The following PCDHB6 variants were observed in gnomAD, a reference collection of about 807,000 sequenced individuals.
PCDHB6 encodes the protein protocadherin beta-6.
For missense variants in PCDHB6, 1,137 were observed against 1,010.1 expected (o/e 1.13, Z -1.70); for synonymous variants, 506 against 459.0 (o/e 1.10, Z -1.31).
rs781952987 is a variant in PCDHB6 at position 141,151,295 on chromosome 5, C to T, written c.1038C>T (p.Thr346=). Residue 346 remains threonine (T), a synonymous_variant, in exon 1 of 1, where the codon ACC becomes ACT. Coordinates refer to ENST00000231136, the MANE Select transcript of PCDHB6 (RefSeq NM_018939.4). ...TGAATGACAATGCCCCTGAACTCAC[C>T]ATGTCGTTCTTCATCAGCCTCATCC... ...LDVNDNAPEL[T]MSFFISLIPE... 1.2e-6 allele frequency: 2 copies of T among 1,614,082 alleles called. No individual in the cohort carries two copies. The highest frequency in any genetic ancestry group is 2.2e-5 in the East Asian group (1 of 44,882).
rs190534770 is a variant in PCDHB6 at position 141,152,171 on chromosome 5, G to C, written c.1914G>C (p.Leu638=). ...AGCGAGACGCAGCCAAGCACAGGCTGGTGGTGCTTGTCAAGGACAATGGCG... is the reference window on the plus strand; with the variant it reads ...AGCGAGACGCAGCCAAGCACAGGCTCGTGGTGCTTGTCAAGGACAATGGCG... ...LSERDAAKHR[L]VVLVKDNGEP... is the part of the protein sequence containing the mutation. The change falls in exon 1 of 1, where the codon CTG becomes CTC. Residue 638 remains leucine, a synonymous_variant. Coordinates refer to ENST00000231136, the MANE Select transcript of PCDHB6 (RefSeq NM_018939.4). 1,709 of 1,607,306 alleles carry C rather than the reference G, an allele frequency of 1.1e-3. 37 individuals carry two copies. In the East Asian group the frequency reaches 0.034, roughly 32 times the overall value.
chr5:141,153,230 T>C lies in PCDHB6; in HGVS notation c.*588T>C, dbSNP rs140347839. 6.0e-6 allele frequency: 1 copy of C among 165,710 alleles called. No individual in the cohort carries two copies. The highest frequency in any genetic ancestry group is 2.4e-5 in the African/African-American group (1 of 41,268). 10.3% of individuals were successfully genotyped at this position (165,710 alleles called of 1,614,324 possible). A position where few individuals can be genotyped will look rare whatever the true frequency, so the allele number is the denominator to read the frequency against. On this transcript the variant is annotated 3_prime_UTR_variant, in exon 1 of 1. Transcript: ENST00000231136. ...ATGTAAGAACATGATGGTCTTTTTT[T>C]AAAAAAAAAGTCGTGCCAATTATAA...
Position 141,151,977 on chromosome 5 carries a change from G to T in PCDHB6, c.1720G>T (p.Val574Leu), listed in dbSNP as rs1752887291. 1.2e-6 allele frequency: 2 copies of T among 1,610,054 alleles called. No homozygotes were observed. The highest frequency in any genetic ancestry group is 1.7e-6 in the Non-Finnish European group (2 of 1,179,604). The stretch of plus-strand genomic sequence containing the variant: ...CGGCTCCGCGCCCTGCACCGAGCTG[G>T]TGCCCCGGGCGGCCGAGCCGGGCTA... ...QNGSAPCTELVPRAAEPGYLV... is the reference protein window; with the variant it reads ...QNGSAPCTELLPRAAEPGYLV... The change falls in exon 1 of 1, where the codon GTG becomes TTG. Residue 574 changes from valine to leucine, a missense_variant. Val to Leu is a conservative substitution (Grantham distance 32, BLOSUM62 1). Transcript: ENST00000231136.
In PCDHB6 at chr5:141,152,281, C is replaced by G. The variant is rs35936939; in HGVS notation, c.2024C>G (p.Ala675Gly). The stretch of plus-strand genomic sequence containing the variant: ...CCCTACCTGCCTCTCCCTGAGGCGG[C>G]CCCGGCCCAAGCCCAGGCCGACTCT... ...SQPYLPLPEA[A>G]PAQAQADSLT... The change falls in exon 1 of 1, where the codon GCC becomes GGC. Residue 675 changes from alanine (A) to glycine (G), a missense_variant. Ala to Gly is a moderately conservative substitution (Grantham distance 60). Transcript: ENST00000231136. 5 of 1,608,088 alleles carry G rather than the reference C, an allele frequency of 3.1e-6. No homozygotes were observed. The highest frequency in any genetic ancestry group is 3.4e-6 in the Non-Finnish European group (4 of 1,179,806).
At position 141,152,297 on chromosome 5, in the gene PCDHB6, GGC is replaced by G. The variant is rs1752903623; in HGVS notation, c.2041_2042del (p.Ala681ArgfsTer80). Reference sequence around the variant, plus strand: ...CTGAGGCGGCCCCGGCCCAAGCCCAGGCCGACTCTCTCACCGTCTACCTGGTG... The same window carrying G: ...CTGAGGCGGCCCCGGCCCAAGCCCAGCGACTCTCTCACCGTCTACCTGGTG... The part of the protein sequence containing the change: ...LPEAAPAQAQ[A>X]DSLTVYLVVA... On this transcript the variant is annotated frameshift_variant, in exon 1 of 1. Transcript: ENST00000231136. LOFTEE classifies it low-confidence loss of function (END_TRUNC). 4 of 1,608,638 alleles carry G rather than the reference GGC, an allele frequency of 2.5e-6. No individual in the cohort carries two copies. The African/African-American group carries it at 5.3e-5, about 22-fold the overall frequency.
In PCDHB6 at chr5:141,151,124, C is replaced by A; in HGVS notation, c.867C>A (p.Pro289=). 6.2e-7 allele frequency: 1 copy of A among 1,614,212 alleles called. No individual in the cohort carries two copies. Among genetic ancestry groups the A allele is most frequent in the Non-Finnish European group, 8.5e-7 (1 of 1,180,044 alleles). Residue 289 remains proline (P), a synonymous_variant, in exon 1 of 1, where the codon CCC becomes CCA. Coordinates refer to ENST00000231136, the MANE Select transcript of PCDHB6 (RefSeq NM_018939.4). ...ALFQVDDVNQ[P]FEINAITGEI... ...TTCAAGTCGATGACGTCAACCAACC[C>A]TTCGAAATAAACGCAATCACAGGAG...
Position 141,150,114 on chromosome 5 carries a change from G to T in PCDHB6, c.-144G>T. The T allele has an allele frequency of 1.6e-6, 1 of 639,522 alleles. No individual in the cohort carries two copies. Among genetic ancestry groups the T allele is most frequent in the Non-Finnish European group, 2.7e-6 (1 of 371,796 alleles). 39.6% of individuals were successfully genotyped at this position (639,522 alleles called of 1,614,324 possible). ...CACGTTTACAGCTAAAGCTGAGATA[G>T]ATGTGTCCGGGAAGGCAGTCGTCGC... On this transcript the variant is annotated 5_prime_UTR_variant, in exon 1 of 1. Coordinates refer to ENST00000231136, the MANE Select transcript of PCDHB6 (RefSeq NM_018939.4).
At position 141,151,332 on chromosome 5, in the gene PCDHB6, C is replaced by G. The variant is rs781906479; in HGVS notation, c.1075C>G (p.Pro359Ala). Reference protein sequence around the residue: ...FFISLIPENLPEITVAVFSVS... With the variant: ...FFISLIPENLAEITVAVFSVS... ...CATCAGCCTCATCCCAGAAAACTTA[C>G]CAGAGATCACAGTGGCAGTTTTCAG... Residue 359 changes from proline (P) to alanine (A), a missense_variant, in exon 1 of 1, where the codon CCA becomes GCA. By Grantham distance (27) the Pro-to-Ala change is conservative. Coordinates refer to ENST00000231136, the MANE Select transcript of PCDHB6 (RefSeq NM_018939.4). The G allele has an allele frequency of 2.0e-5, 33 of 1,614,016 alleles. No individual in the cohort carries two copies. The highest frequency in any genetic ancestry group is 2.7e-5 in the Non-Finnish European group (32 of 1,180,032).
chr5:141,151,754 T>A lies in PCDHB6; in HGVS notation c.1497T>A (p.Ser499=). The A allele has an allele frequency of 6.2e-7, 1 of 1,612,070 alleles. No individual in the cohort carries two copies. Among genetic ancestry groups the A allele is most frequent in the Non-Finnish European group, 8.5e-7 (1 of 1,179,430 alleles). The part of the protein sequence containing the change: ...LPPQDPHLPL[S]SLVSINADNG... ...CCCAGGACCCGCACCTGCCCCTCTC[T>A]TCCCTGGTCTCCATCAACGCGGACA... Residue 499 remains serine (S), a synonymous_variant, in exon 1 of 1, where the codon TCT becomes TCA. Coordinates refer to ENST00000231136, the MANE Select transcript of PCDHB6 (RefSeq NM_018939.4).
Position 141,151,694 on chromosome 5 carries a change from C to T in PCDHB6, c.1437C>T (p.Gly479=), listed in dbSNP as rs781852986. Residue 479 remains glycine (G), a synonymous_variant, in exon 1 of 1, where the codon GGC becomes GGT. Transcript: ENST00000231136. ...TCAGCGCCACAGACAGAGACTCAGG[C>T]ATCAACGCCCAGGTCACCTACTCGC... ...GSVSATDRDS[G]INAQVTYSLL... is the part of the protein sequence containing the mutation. The T allele has an allele frequency of 6.2e-7, 1 of 1,613,274 alleles. No individual in the cohort carries two copies. The highest frequency in any genetic ancestry group is 2.2e-5 in the East Asian group (1 of 44,876).
At position 141,152,906 on chromosome 5, in the gene PCDHB6, CAAA is replaced by C. The variant is rs373655076; in HGVS notation, c.*270_*272del. 2.5e-5 allele frequency: 6 copies of C among 236,360 alleles called. No homozygotes were observed. The highest frequency in any genetic ancestry group is 1.7e-5 in the Non-Finnish European group (2 of 116,560). The allele number at this position is 236,360 out of a possible 1,614,324, so 14.6% of individuals were successfully genotyped here. ...TTAAATTATCTATTCTTCCCCCCCC[CAAA>C]AAAAAGTATTGTAAATCCTTAAGTA... On this transcript the variant is annotated 3_prime_UTR_variant, in exon 1 of 1. Coordinates refer to ENST00000231136, the MANE Select transcript of PCDHB6 (RefSeq NM_018939.4).
Position 141,151,625 on chromosome 5 carries a change from G to A in PCDHB6, c.1368G>A (p.Leu456=). 1.9e-6 allele frequency: 3 copies of A among 1,613,648 alleles called. No individual in the cohort carries two copies. Among genetic ancestry groups the A allele is most frequent in the African/African-American group, 1.3e-5 (1 of 75,022 alleles). The change falls in exon 1 of 1, where the codon CTG becomes CTA. Residue 456 remains leucine (L), a synonymous_variant. Transcript: ENST00000231136. The part of the protein sequence containing the change: ...APAFTQTSYT[L]FVRENNSPAL... ...CCTTCACCCAAACCTCCTACACCCT[G>A]TTCGTCCGCGAGAACAACAGCCCCG...
chr5:141,152,171 G>T lies in PCDHB6; in HGVS notation c.1914G>T (p.Leu638=), dbSNP rs190534770. ...AGCGAGACGCAGCCAAGCACAGGCTGGTGGTGCTTGTCAAGGACAATGGCG... is the reference window on the plus strand; with the variant it reads ...AGCGAGACGCAGCCAAGCACAGGCTTGTGGTGCTTGTCAAGGACAATGGCG... The part of the protein sequence containing the change: ...LSERDAAKHR[L]VVLVKDNGEP... Residue 638 remains leucine (L), a synonymous_variant, in exon 1 of 1, where the codon CTG becomes CTT. Coordinates refer to ENST00000231136, the MANE Select transcript of PCDHB6 (RefSeq NM_018939.4). The T allele has an allele frequency of 6.2e-7, 1 of 1,607,842 alleles. No individual in the cohort carries two copies. Among genetic ancestry groups the T allele is most frequent in the Admixed American group, 1.7e-5 (1 of 60,006 alleles).
In PCDHB6 at chr5:141,152,033, C is replaced by A. The variant is rs564787701; in HGVS notation, c.1776C>A (p.Gly592=). 6 of 1,606,790 alleles carry A rather than the reference C, an allele frequency of 3.7e-6. No homozygotes were observed. Among genetic ancestry groups the A allele is most frequent in the Non-Finnish European group, 5.1e-6 (6 of 1,179,310 alleles). ...TGACCAAGGTGGTGGCGGTGGACGGCGACTCGGGCCAGAACGCCTGGCTGT... is the reference window on the plus strand; with the variant it reads ...TGACCAAGGTGGTGGCGGTGGACGGAGACTCGGGCCAGAACGCCTGGCTGT... ...YLVTKVVAVD[G]DSGQNAWLSY... is the part of the protein sequence containing the mutation. Residue 592 remains glycine, a synonymous_variant, in exon 1 of 1, where the codon GGC becomes GGA. Coordinates refer to ENST00000231136, the MANE Select transcript of PCDHB6 (RefSeq NM_018939.4).
At position 141,150,385 on chromosome 5, in the gene PCDHB6, T is replaced by C; in HGVS notation, c.128T>C (p.Phe43Ser). 2 of 1,614,152 alleles carry C rather than the reference T, an allele frequency of 1.2e-6. No individual in the cohort carries two copies. Among genetic ancestry groups the C allele is most frequent in the South Asian group, 2.2e-5 (2 of 91,086 alleles). Residue 43 changes from phenylalanine (F) to serine (S), a missense_variant, in exon 1 of 1, where the codon TTT (phenylalanine) becomes TCT (serine). Coordinates refer to ENST00000231136, the MANE Select transcript of PCDHB6 (RefSeq NM_018939.4). The stretch of plus-strand genomic sequence containing the variant: ...TTGGAGGAGACAGAAAGTGGCACGT[T>C]TGTGGCCAACTTGACAAAGGACCTG... ...SVLEETESGT[F>S]VANLTKDLGL...
In PCDHB6 at chr5:141,151,390, A is replaced by C. The variant is rs1554277681; in HGVS notation, c.1133A>C (p.Gln378Pro). 1 of 1,614,048 alleles carries C rather than the reference A, an allele frequency of 6.2e-7. No individual in the cohort carries two copies. The highest frequency in any genetic ancestry group is 8.5e-7 in the Non-Finnish European group (1 of 1,180,050). Residue 378 changes from glutamine to proline, a missense_variant, in exon 1 of 1, where the codon CAG becomes CCG. Physicochemically the swap from Gln to Pro is moderately conservative, Grantham distance 76 (BLOSUM62 -1). Transcript: ENST00000231136. ...VSDADSGHNQ[Q>P]VICSIENNLP... Reference sequence around the variant, plus strand: ...GATGCAGACTCTGGACATAACCAACAGGTTATTTGTTCAATAGAGAACAAT... The same window carrying C: ...GATGCAGACTCTGGACATAACCAACCGGTTATTTGTTCAATAGAGAACAAT...
At position 141,150,305 on chromosome 5, in the gene PCDHB6, C is replaced by T. The variant is rs143226291; in HGVS notation, c.48C>T (p.Phe16=). The T allele has an allele frequency of 2.5e-5, 41 of 1,613,726 alleles. No homozygotes were observed. The Middle Eastern group carries it at 9.9e-4, about 39-fold the overall frequency. Residue 16 remains phenylalanine, a synonymous_variant, in exon 1 of 1, where the codon TTC becomes TTT. Transcript: ENST00000231136. ...ACAAGAAAAGGCAAGTGGCTTTCTT[C>T]ATTTTATTGATGCTTTGGGGAGAGG... ...VQNKKRQVAF[F]ILLMLWGEVG...
rs139339229 is a variant in PCDHB6 at position 141,152,458 on chromosome 5, T to A, written c.2201T>A (p.Leu734Gln). Reference protein sequence around the residue: ...SVPEGPFPGHLVDVSGTGTLS... With the variant: ...SVPEGPFPGHQVDVSGTGTLS... ...CCCGAGGGTCCCTTTCCAGGGCATC[T>A]GGTGGATGTGAGCGGCACCGGGACC... The change falls in exon 1 of 1, where the codon CTG becomes CAG. Residue 734 changes from leucine (L) to glutamine (Q), a missense_variant. Physicochemically the swap from Leu to Gln is moderately radical, Grantham distance 113. Coordinates refer to ENST00000231136, the MANE Select transcript of PCDHB6 (RefSeq NM_018939.4). 5.0e-6 allele frequency: 8 copies of A among 1,614,002 alleles called. No homozygotes were observed. The highest frequency in any genetic ancestry group is 6.8e-6 in the Non-Finnish European group (8 of 1,180,042).
chr5:141,152,291 A>G lies in PCDHB6; in HGVS notation c.2034A>G (p.Gln678=), dbSNP rs782189076. 101 of 1,608,516 alleles carry G rather than the reference A, an allele frequency of 6.3e-5. 2 individuals are homozygous for G. The highest frequency in any genetic ancestry group is 2.9e-4 in the South Asian group (26 of 91,012). The change falls in exon 1 of 1, where the codon CAA becomes CAG. Residue 678 remains glutamine (Q), a synonymous_variant. Coordinates refer to ENST00000231136, the MANE Select transcript of PCDHB6 (RefSeq NM_018939.4). Reference sequence around the variant, plus strand: ...CTCTCCCTGAGGCGGCCCCGGCCCAAGCCCAGGCCGACTCTCTCACCGTCT... The same window carrying G: ...CTCTCCCTGAGGCGGCCCCGGCCCAGGCCCAGGCCGACTCTCTCACCGTCT... ...YLPLPEAAPA[Q]AQADSLTVYL... is the part of the protein sequence containing the mutation.
Sources: gnomAD v4.1 joint callset for allele counts on GRCh38, gnomAD v4.1.1 for gene constraint, MANE v1.5 for transcripts, NCBI Gene and HGNC (gene_info 2026-07-23, HGNC 2026-07-21) for gene names.